Variants in AUTS2 observed in about 807,000 individuals in gnomAD.
AUTS2 encodes autism susceptibility gene 2 protein.
Under a neutral mutation model 112.4 loss-of-function variants are expected in AUTS2, and 17 were observed. The observed-to-expected ratio is 0.15, with a 90% CI of 0.10 to 0.23. The LOEUF (loss-of-function observed/expected upper bound fraction) is 0.23. Ranked by LOEUF, AUTS2 falls within the 10% of genes least tolerant of loss-of-function variation. The pLI is 1.00. For missense variants in AUTS2, 1,510 were observed against 1,701.6 expected (o/e 0.89, Z 1.98); for synonymous variants, 751 against 702.7 (o/e 1.07, Z -1.09).
chr7:70,067,493 A>G (rs1193558319), intron 2 of AUTS2, among the ~76,000 whole-genome samples: 2 of 152,206 alleles, frequency 1.3e-5, no homozygotes, highest in African/African-American at 2.4e-5. Flanking sequence ...TCAAAATACT[A>G]ATAGCTTTTG....
chr7:70,765,272 C>T (rs1041878508), intron 8 of AUTS2, among the ~76,000 whole-genome samples: 1 of 152,148 alleles, frequency 6.6e-6, no homozygotes, highest in African/African-American at 2.4e-5. Flanking sequence ...CAGCTAAATT[C>T]AGCCACTGAG....
intron 1 of AUTS2, among the ~76,000 whole-genome samples, chr7:69,684,539 C>T (rs535720396): frequency 7.9e-5 from 12 of 152,266 alleles, no homozygotes; most frequent in Admixed American, 3.9e-4. Context: ...GGAAATGGCG[C>T]CTCTGAGCCG....
At chr7:70,288,349 C>G (rs1361084031) in intron 4 of AUTS2, among the ~76,000 whole-genome samples, 1 of 152,138 alleles carries the variant, frequency 6.6e-6, no homozygotes, top group Non-Finnish European at 1.5e-5. Flanking sequence ...TTGCAGTGAG[C>G]CCAGATCGTG....
intron 4 of AUTS2, among the ~76,000 whole-genome samples, chr7:70,344,796 C>T (rs745327723): frequency 9.2e-5 from 14 of 152,120 alleles, no homozygotes; most frequent in Non-Finnish European, 1.8e-4. Context: ...ACCAATACTG[C>T]TTGCAACTCC....
intron 1 of AUTS2, among the ~76,000 whole-genome samples, chr7:69,728,107 G>T (rs748209012): frequency 2.6e-5 from 4 of 151,842 alleles, no homozygotes; most frequent in Non-Finnish European, 4.4e-5. Context: ...GCTGATGTGG[G>T]CCCCTACACG....
chr7:70,343,199 C>T (rs1322528253), intron 4 of AUTS2, among the ~76,000 whole-genome samples: 2 of 152,204 alleles, frequency 1.3e-5, no homozygotes, highest in Non-Finnish European at 2.9e-5. Context: ...ATGATATTCA[C>T]TTGCTCTGTC....
intron 4 of AUTS2, among the ~76,000 whole-genome samples, chr7:70,336,813 T>C (rs1285401354): frequency 1.3e-5 from 2 of 152,170 alleles, no homozygotes; most frequent in Non-Finnish European, 2.9e-5. Flanking sequence ...TGTTAATTGA[T>C]AAGTATGTGT....
chr7:70,602,960 C>T lies in AUTS2; in HGVS notation c.691-95609C>T, dbSNP rs73706119. ...TGGTATGTGCTGAGAAAAAGCAGAT[C>T]CTCTGATAAAGCAAAGAACTGTGTT... On this transcript the variant is annotated intron_variant, in intron 5 of 18. Transcript: ENST00000342771. Among the ~76,000 whole-genome samples the T allele has an allele frequency of 5.3e-5, 8 of 152,150 alleles. No individual in the cohort carries two copies. In the South Asian group the frequency reaches 6.2e-4, roughly 12 times the overall value.
At chr7:69,687,571 C>T (rs1797115884) in intron 1 of AUTS2, among the ~76,000 whole-genome samples, 1 of 152,114 alleles carries the variant, frequency 6.6e-6, no homozygotes, top group Non-Finnish European at 1.5e-5. Context: ...CTTGTGGGTA[C>T]CAGTGATTCT....
chr7:70,319,949 T>C (rs959825843), intron 4 of AUTS2, among the ~76,000 whole-genome samples: 19 of 152,238 alleles, frequency 1.2e-4, no homozygotes, highest in African/African-American at 4.3e-4. Context: ...CTCTCGTTCA[T>C]AGATCAAATT....
chr7:70,562,471 T>C (rs1271132225), intron 5 of AUTS2, among the ~76,000 whole-genome samples: 1 of 152,240 alleles, frequency 6.6e-6, no homozygotes. Context: ...TGTCAGGGTC[T>C]GTATTGATAG....
chr7:70,776,744 A>G, intron 13 of AUTS2: 1 of 351,104 alleles, frequency 2.8e-6, no homozygotes, highest in South Asian at 2.6e-5. Flanking sequence ...GCATGGCAAC[A>G]TTTGTTAAGT....
chr7:70,557,928 C>T (rs1209696699), intron 5 of AUTS2, among the ~76,000 whole-genome samples: 2 of 152,148 alleles, frequency 1.3e-5, no homozygotes, highest in African/African-American at 2.4e-5. Flanking sequence ...ACTAAATCGC[C>T]AAGAACACTC....
chr7:69,609,501 T>G (rs942118584), intron 1 of AUTS2, among the ~76,000 whole-genome samples: 3 of 152,200 alleles, frequency 2.0e-5, no homozygotes, highest in Admixed American at 2.0e-4. Flanking sequence ...TTAGGGTGGT[T>G]TCTCATCATT....
chr7:70,405,356 G>A (rs576834640), intron 4 of AUTS2, among the ~76,000 whole-genome samples: 1 of 152,222 alleles, frequency 6.6e-6, no homozygotes, highest in African/African-American at 2.4e-5. Flanking sequence ...CTCAGAGAAA[G>A]TCCTGACATG....
intron 11 of AUTS2, among the ~76,000 whole-genome samples, chr7:70,773,204 C>G (rs1790469217): frequency 6.6e-6 from 1 of 152,108 alleles, no homozygotes. Context: ...AGCTTCGGGC[C>G]TAAACTTGAG....
At chr7:70,626,479 A>G (rs535171970) in intron 5 of AUTS2, among the ~76,000 whole-genome samples, 5 of 152,084 alleles carry the variant, frequency 3.3e-5, no homozygotes, top group Non-Finnish European at 7.4e-5. Flanking sequence ...GTACCAGACA[A>G]TGAAATATAT....
At chr7:70,140,345 GAA>G (rs1183043901) in intron 4 of AUTS2, among the ~76,000 whole-genome samples, 8 of 152,194 alleles carry the variant, frequency 5.3e-5, no homozygotes, top group Non-Finnish European at 8.8e-5. Context: ...TCTGTAAAGA[GAA>G]ACATCTACAT....
chr7:70,115,236 G>T (rs1805298055), intron 2 of AUTS2, among the ~76,000 whole-genome samples: 1 of 152,184 alleles, frequency 6.6e-6, no homozygotes, highest in South Asian at 2.1e-4. Context: ...CAATGTCCAG[G>T]TTTTGTTAAG....
Sources: allele counts gnomAD v4.1 joint callset (sites outside exome capture counted in the v4.1 genomes callset), GRCh38; gene constraint gnomAD v4.1.1; transcripts MANE v1.5; gene names NCBI Gene and HGNC (gene_info 2026-07-23, HGNC 2026-07-21).